The following ARMC2 variants were observed in gnomAD, a reference collection of about 807,000 sequenced individuals.
ARMC2 encodes armadillo repeat containing 2, also known as armadillo repeat-containing protein 2.
A neutral mutation model predicts 90.3 loss-of-function variants in ARMC2; 67 were observed. That is an observed-to-expected ratio of 0.74 (90% CI 0.61 to 0.91). The LOEUF (loss-of-function observed/expected upper bound fraction) is 0.91, where lower values mean the gene tolerates loss of function less well. ARMC2 is among the 40% of genes least tolerant of loss of function. The pLI, the probability that ARMC2 is intolerant of heterozygous loss-of-function variation, is 0.00. For synonymous variants in ARMC2, 393 were observed against 393.0 expected, an observed-to-expected ratio of 1.00 and a Z score of 0.00; for missense variants, 920 against 1,030.9, an observed-to-expected ratio of 0.89 and a Z score of 1.47.
the ARMC2 span, chr6:108,990,758 T>A: frequency 6.2e-7 from 1 of 1,614,148 alleles, no homozygotes; most frequent in African/African-American, 1.3e-5. Context: ...CAATGTGAAA[T>A]TTTTCATCAA....
chr6:108,899,587 A>C, intron 6 of ARMC2, 107 bp from the exon 7 acceptor site: 2 of 809,584 alleles, frequency 2.5e-6, no homozygotes, highest in Non-Finnish European at 4.1e-6. Flanking sequence ...GGGTAATTTA[A>C]TTCTCTAGTT....
downstream of ARMC2, among the ~76,000 whole-genome samples, chr6:108,979,063 C>T (rs1051292279): frequency 9.2e-5 from 14 of 151,464 alleles, no homozygotes; most frequent in South Asian, 4.2e-4. Flanking sequence ...TTATTTTGCC[C>T]GTTGTTGCAG....
the ARMC2 span, among the ~76,000 whole-genome samples, chr6:109,034,015 T>C: frequency 3.3e-5 from 5 of 152,188 alleles, no homozygotes; most frequent in African/African-American, 1.2e-4. Flanking sequence ...ACAATGGACA[T>C]GATAACATAG....
intron 11 of ARMC2, among the ~76,000 whole-genome samples, chr6:108,931,581 A>G (rs931200348): frequency 3.3e-5 from 5 of 151,880 alleles, no homozygotes; most frequent in Admixed American, 6.6e-5. Flanking sequence ...CCTTGCCAGC[A>G]TCTGTTATTT....
chr6:108,891,264 C>T (rs563198613), intron 5 of ARMC2, among the ~76,000 whole-genome samples: 1 of 152,176 alleles, frequency 6.6e-6, no homozygotes, highest in Non-Finnish European at 1.5e-5. Flanking sequence ...TGGGTATATA[C>T]CCAGTAATGG....
chr6:108,906,555 C>G (rs184068471), intron 8 of ARMC2, among the ~76,000 whole-genome samples: 1 of 152,140 alleles, frequency 6.6e-6, no homozygotes, highest in Admixed American at 6.5e-5. Context: ...GATCACAGCT[C>G]ACTGCAGTAT....
chr6:108,952,075 C>G (rs565960070), intron 12 of ARMC2, among the ~76,000 whole-genome samples: 1 of 152,182 alleles, frequency 6.6e-6, no homozygotes, highest in Non-Finnish European at 1.5e-5. Flanking sequence ...TGGCATAGTG[C>G]CTGGCACTGT....
chr6:108,912,946 T>C lies in ARMC2; in HGVS notation c.1350+388T>C, dbSNP rs79536380. 8.2e-3 allele frequency among the ~76,000 whole-genome samples: 1,252 copies of C among 152,308 alleles called. 5 individuals carry two copies. Among genetic ancestry groups the C allele is most frequent in the Non-Finnish European group, 0.013 (868 of 68,018 alleles). On this transcript the variant is annotated intron_variant, in intron 10 of 17. Transcript: ENST00000392644. The stretch of plus-strand genomic sequence containing the variant: ...TATGATGATTGGTAGCTAATGTCAT[T>C]ACTCTTGTAAGAAACAGAAGGTAAC...
At chr6:108,852,024 T>C (rs1238574790) in intron 1 of ARMC2, among the ~76,000 whole-genome samples, 5 of 152,190 alleles carry the variant, frequency 3.3e-5, no homozygotes, top group Non-Finnish European at 7.3e-5. Context: ...TACTTCTAGC[T>C]GAGTGGATTT....
At chr6:108,956,188 T>C (rs1171351632) in intron 13 of ARMC2, among the ~76,000 whole-genome samples, 1 of 152,124 alleles carries the variant, frequency 6.6e-6, no homozygotes, top group African/African-American at 2.4e-5. Context: ...GGACCAGACC[T>C]CAAACACCTG....
At chr6:108,937,898 G>C (rs369900515) in intron 12 of ARMC2, among the ~76,000 whole-genome samples, 1 of 151,952 alleles carries the variant, frequency 6.6e-6, no homozygotes, top group African/African-American at 2.4e-5. Context: ...AGGTTTCACC[G>C]TGTTAGCCAG....
the ARMC2 span, among the ~76,000 whole-genome samples, chr6:109,035,569 A>G: frequency 1.3e-5 from 2 of 152,040 alleles, no homozygotes; most frequent in African/African-American, 4.8e-5. Context: ...AGGAAAAGGA[A>G]AAGAACACAG....
At chr6:108,890,735 C>A (rs1483552860) in intron 5 of ARMC2, among the ~76,000 whole-genome samples, 1 of 152,106 alleles carries the variant, frequency 6.6e-6, no homozygotes, top group Non-Finnish European at 1.5e-5. Context: ...CAGTCCTGTG[C>A]TCTTTTTTTA....
At chr6:108,913,858 A>G (rs1431776227) in intron 10 of ARMC2, among the ~76,000 whole-genome samples, 2 of 152,236 alleles carry the variant, frequency 1.3e-5, no homozygotes, top group Non-Finnish European at 2.9e-5. Context: ...GTACACACAC[A>G]GGATTCAACA....
At chr6:108,945,984 C>T (rs1776776060) in intron 12 of ARMC2, among the ~76,000 whole-genome samples, 1 of 152,238 alleles carries the variant, frequency 6.6e-6, no homozygotes, top group Non-Finnish European at 1.5e-5. Flanking sequence ...TTCCCAGCCC[C>T]TCTGCAGGCA....
intron 17 of ARMC2, among the ~76,000 whole-genome samples, chr6:108,970,494 C>CTTTTTTTTT (rs1156823883): frequency 1.3e-4 from 15 of 117,340 alleles, no homozygotes; most frequent in Non-Finnish European, 2.0e-4. Flanking sequence ...CTTCTCTTTT[C>CTTTTTTTTT]TTTTTTTTTT....
the ARMC2 span, among the ~76,000 whole-genome samples, chr6:109,028,147 T>C: frequency 6.7e-6 from 1 of 149,538 alleles, no homozygotes. Flanking sequence ...GTTGTAAACT[T>C]TTTTTCCCCA....
intron 13 of ARMC2, among the ~76,000 whole-genome samples, chr6:108,961,237 G>A (rs1263419163): frequency 1.3e-5 from 2 of 152,184 alleles, no homozygotes; most frequent in African/African-American, 4.8e-5. Context: ...AAAACAGGCG[G>A]GATTGGAGAT....
Position 108,927,966 on chromosome 6 carries a change from T to C in ARMC2, c.1351-122T>C, listed in dbSNP as rs1207627979. On this transcript the variant is annotated intron_variant, in intron 10 of 17. Transcript: ENST00000392644. ...CTCACATTCCCTGGTGGGAGATGCA[T>C]AGCGGGAGCTTTGCTTAGCTACTGA... 3.1e-6 allele frequency: 3 copies of C among 963,358 alleles called. No individual in the cohort carries two copies. In the East Asian group the frequency reaches 8.2e-5, roughly 26 times the overall value. 59.7% of individuals were successfully genotyped at this position (963,358 alleles called of 1,614,324 possible). A position where few individuals can be genotyped will look rare whatever the true frequency, so the allele number is the denominator to read the frequency against.
Sources: allele counts gnomAD v4.1 joint callset (sites outside exome capture counted in the v4.1 genomes callset), GRCh38; gene constraint gnomAD v4.1.1; transcripts MANE v1.5; gene names NCBI Gene and HGNC (gene_info 2026-07-23, HGNC 2026-07-21).